KIF9: variants seen among roughly 807,000 people sequenced by gnomAD.
KIF9 encodes kinesin family member 9, also known as kinesin-like protein KIF9.
In KIF9, 68 loss-of-function variants were observed where a neutral mutation model predicts 94.8. The observed-to-expected ratio is 0.72, with a 90% CI of 0.59 to 0.88. The LOEUF is 0.88. KIF9 is among the 40% of genes least tolerant of loss of function. The pLI is 0.00. For synonymous variants in KIF9, 343 were observed against 362.1 expected, an observed-to-expected ratio of 0.95 and a Z score of 0.60; for missense variants, 882 against 982.5, an observed-to-expected ratio of 0.90 and a Z score of 1.37.
At chr3:47,263,951 C>T in intron 9 of KIF9, 2 of 482,838 alleles carry the variant, frequency 4.1e-6, no homozygotes, top group Admixed American at 2.3e-5. Flanking sequence ...GAACAAGTCA[C>T]CAACGATCCT....
At chr3:47,267,641 T>A (rs1239812407) in intron 5 of KIF9, among the ~76,000 whole-genome samples, 2 of 152,184 alleles carry the variant, frequency 1.3e-5, no homozygotes, top group Non-Finnish European at 2.9e-5. Context: ...TAGTTTTTAA[T>A]AACAGAGAGA....
At chr3:47,281,801 A>G (rs1252653857) in intron 1 of KIF9, among the ~76,000 whole-genome samples, 1 of 152,216 alleles carries the variant, frequency 6.6e-6, no homozygotes, top group Admixed American at 6.5e-5. Flanking sequence ...TTTAGTGGGA[A>G]TGAACAGAAT....
chr3:47,261,458 C>T (rs147144057), intron 9 of KIF9, among the ~76,000 whole-genome samples: 2 of 152,236 alleles, frequency 1.3e-5, no homozygotes, highest in East Asian at 3.9e-4. Context: ...GGGTGGAGAG[C>T]TCCTCCTTGG....
At chr3:47,234,492 C>T (rs1033157398) in intron 20 of KIF9, among the ~76,000 whole-genome samples, 1 of 151,822 alleles carries the variant, frequency 6.6e-6, no homozygotes, top group African/African-American at 2.4e-5. Flanking sequence ...CCTCAGCCTC[C>T]CAAAGTGCTG....
At chr3:47,245,374 TG>T in intron 14 of KIF9, 46 bp downstream of exon 14, 1 of 1,397,218 alleles carries the variant, frequency 7.2e-7, no homozygotes, top group Non-Finnish European at 1.0e-6. Flanking sequence ...GGTCTGAGGA[TG>T]GGAAATCTGA....
chr3:47,264,823 G>C (rs1264937532), intron 8 of KIF9, among the ~76,000 whole-genome samples: 1 of 152,238 alleles, frequency 6.6e-6, no homozygotes, highest in African/African-American at 2.4e-5. Flanking sequence ...GACTTGGGGA[G>C]GGGGAGGTAA....
rs1007822988 is a variant in KIF9, at chr3:47,275,581, G to C, written c.94-91C>G. The C allele has an allele frequency of 1.3e-5, 12 of 930,528 alleles. No homozygotes were observed. The South Asian group carries it at 1.3e-4, about 10-fold the overall frequency. The allele number at this position is 930,528 out of a possible 1,614,324, so 57.6% of individuals were successfully genotyped here. On this transcript the variant is annotated intron_variant, in intron 2 of 20. Transcript: ENST00000684063. ...TGATAGCTGAGGCCTAATCTGGAGG[G>C]AACAGAGGAAATGAACTGTAGGATG...
chr3:47,261,894 C>G (rs1472828011), intron 9 of KIF9, among the ~76,000 whole-genome samples: 1 of 152,210 alleles, frequency 6.6e-6, no homozygotes, highest in Non-Finnish European at 1.5e-5. Context: ...TGTGGTTACT[C>G]AGCACACATG....
At chr3:47,257,661 T>A in intron 9 of KIF9, 101 bp from the exon 10 acceptor site, 1 of 987,146 alleles carries the variant, frequency 1.0e-6, no homozygotes, top group Non-Finnish European at 1.6e-6. Context: ...CCTGGCTCCT[T>A]AAGCTCCCTT....
At chr3:47,244,032 C>T (rs61386020) in intron 15 of KIF9, 19,012 of 152,298 alleles carry the variant, frequency 0.12, 1,580 homozygotes, top group East Asian at 0.3. Context: ...GACTCTTGTC[C>T]TGCGTGTAAC....
intron 10 of KIF9, among the ~76,000 whole-genome samples, chr3:47,249,078 C>T (rs1027630475): frequency 1.3e-5 from 2 of 151,714 alleles, no homozygotes; most frequent in Non-Finnish European, 2.9e-5. Context: ...CATCCTTTCA[C>T]CCTCATCCTC....
chr3:47,282,208 A>G (rs1464308702), intron 1 of KIF9: 2 of 985,436 alleles, frequency 2.0e-6, no homozygotes, highest in African/African-American at 3.5e-5. Flanking sequence ...CTAGTACGGA[A>G]GAGTCCAGAC....
At position 47,257,432 on chromosome 3, in the gene KIF9, A is replaced by C. The variant is rs771885771; in HGVS notation, c.1059+51T>G. ...CTCGCTTGTGTGACCCAAGCAGCAA[A>C]CCCATACACTTTCCCCACAGTGGGA... On this transcript the variant is annotated intron_variant, in intron 10 of 20. Transcript: ENST00000684063. 9.9e-5 allele frequency: 150 copies of C among 1,511,920 alleles called. 1 individual carries two copies. Among genetic ancestry groups the C allele is most frequent in the South Asian group, 4.3e-4 (38 of 88,748 alleles). The allele number at this position is 1,511,920 out of a possible 1,614,324, so 93.7% of individuals were successfully genotyped here. A position where few individuals can be genotyped will look rare whatever the true frequency, so the allele number is the denominator to read the frequency against.
chr3:47,276,032 T>C (rs906952530), intron 2 of KIF9, among the ~76,000 whole-genome samples: 3 of 152,048 alleles, frequency 2.0e-5, no homozygotes, highest in Admixed American at 6.5e-5. Context: ...TTCTCAGACA[T>C]AGGAATTAAG....
chr3:47,276,082 G>A (rs1181580818), intron 2 of KIF9, among the ~76,000 whole-genome samples: 2 of 152,152 alleles, frequency 1.3e-5, no homozygotes, highest in Admixed American at 6.5e-5. Context: ...TTAGATGCAT[G>A]CCCCTTCATA....
At chr3:47,230,901 G>C (rs1698520290) in intron 20 of KIF9, among the ~76,000 whole-genome samples, 1 of 152,110 alleles carries the variant, frequency 6.6e-6, no homozygotes, top group African/African-American at 2.4e-5. Context: ...AGCCAGGCAT[G>C]GTGGCGCATG....
At chr3:47,261,073 C>T (rs1447047896) in intron 9 of KIF9, among the ~76,000 whole-genome samples, 4 of 152,066 alleles carry the variant, frequency 2.6e-5, no homozygotes, top group Admixed American at 2.0e-4. Context: ...AAATGTTGAA[C>T]CTGAAAGGAG....
Position 47,236,488 on chromosome 3 carries a change from A to G in KIF9, c.2056T>C (p.Tyr686His). 1 of 1,613,758 alleles carries G rather than the reference A, an allele frequency of 6.2e-7. No homozygotes were observed. The highest frequency in any genetic ancestry group is 1.1e-5 in the South Asian group (1 of 91,062). Residue 686 changes from tyrosine to histidine, a missense_variant, in exon 18 of 21, where the codon TAT becomes CAT. Physicochemically the swap from Tyr to His is moderately conservative, Grantham distance 83 (BLOSUM62 2). Coordinates refer to ENST00000684063, the MANE Select transcript of KIF9 (RefSeq NM_182902.4). ...CACTGATCCACTAGGTGCTGGCAAT[A>G]CTGGATCTCAGCCCTGAGGTCACGC... Reference protein sequence around the residue: ...DLRDLRAEIQYCQHLVDQCRH... With the variant: ...DLRDLRAEIQHCQHLVDQCRH...
At chr3:47,235,447 A>G (rs910062161) in intron 20 of KIF9, 66 bp downstream of exon 20, 5 of 1,098,468 alleles carry the variant, frequency 4.6e-6, no homozygotes, top group Middle Eastern at 4.0e-4. Context: ...AAAGTAGGGA[A>G]TATGATCCTG....
Sources: allele counts gnomAD v4.1 joint callset (sites outside exome capture counted in the v4.1 genomes callset), GRCh38; gene constraint gnomAD v4.1.1; transcripts MANE v1.5; gene names NCBI Gene and HGNC (gene_info 2026-07-23, HGNC 2026-07-21).